STX8: variants seen among roughly 807,000 people sequenced by gnomAD.
The protein encoded by STX8 is syntaxin 8.
STX8 carries 23 observed loss-of-function variants against 37.5 expected under a neutral mutation model. The ratio of observed to expected loss-of-function variants is 0.61; its 90% CI spans 0.44 to 0.87. The LOEUF is 0.87. Among genes scored for constraint, STX8 ranks in the 40% least tolerant of loss-of-function variants. The pLI, the probability that STX8 is intolerant of heterozygous loss-of-function variation, is 0.00. For missense variants in STX8, 313 were observed against 284.7 expected, an observed-to-expected ratio of 1.10 and a Z score of -0.71; for synonymous variants, 115 against 99.1, an observed-to-expected ratio of 1.16 and a Z score of -0.95.
chr17:9,540,816 T>C (rs141636034), intron 4 of STX8: 1 of 152,332 alleles, frequency 6.6e-6, no homozygotes, highest in Non-Finnish European at 1.5e-5. Context: ...ATCTCTATGT[T>C]GCCCTTGGTT....
chr17:9,447,039 T>C (rs1163755199), intron 6 of STX8, among the ~76,000 whole-genome samples: 2 of 152,222 alleles, frequency 1.3e-5, no homozygotes, highest in Non-Finnish European at 2.9e-5. Flanking sequence ...CCCTACTGCA[T>C]AGAATACGAT....
At position 9,324,992 on chromosome 17, in the gene STX8, C is replaced by G. The variant is rs1909708429; in HGVS notation, c.643+53560G>C. 2.0e-5 allele frequency among the ~76,000 whole-genome samples: 3 copies of G among 152,232 alleles called. No individual in the cohort carries two copies. The South Asian group carries it at 6.2e-4, about 32-fold the overall frequency. On this transcript the variant is annotated intron_variant, in intron 7 of 7. Transcript: ENST00000306357. ...CTAGTGATATGTGGTATAGTACTCT[C>G]TTGTGATGCCAGGTGGCAGCAGCAA...
At chr17:9,330,494 C>G (rs1329488138) in intron 7 of STX8, among the ~76,000 whole-genome samples, 1 of 152,146 alleles carries the variant, frequency 6.6e-6, no homozygotes, top group African/African-American at 2.4e-5. Context: ...TCCATCCTTG[C>G]GATGTATGAA....
intron 4 of STX8, among the ~76,000 whole-genome samples, chr17:9,518,854 G>A (rs999952855): frequency 2.0e-5 from 3 of 148,102 alleles, no homozygotes; most frequent in Non-Finnish European, 3.0e-5. Context: ...GGGCGGCAGA[G>A]CGAGACTCCG....
At chr17:9,463,060 A>G (rs1905462604) in intron 6 of STX8, among the ~76,000 whole-genome samples, 1 of 152,190 alleles carries the variant, frequency 6.6e-6, no homozygotes, top group Admixed American at 6.5e-5. Context: ...TTCTAAGAAG[A>G]GGGGAGGGGA....
rs562632994 is a variant in STX8, at chr17:9,295,473, G to A, written c.644-44828C>T. Among the ~76,000 whole-genome samples, 17 of 152,256 alleles carry A rather than the reference G, an allele frequency of 1.1e-4. No homozygotes were observed. In the South Asian group the frequency reaches 2.7e-3, roughly 24 times the overall value. On this transcript the variant is annotated intron_variant, in intron 7 of 7. Transcript: ENST00000306357. ...GAAAATGTAGGCTGGGACCAGGCAC[G>A]GTGGCTCACACCAGTAATCCCAGCA...
chr17:9,378,072 T>G (rs1441277078), intron 7 of STX8: 1 of 155,936 alleles, frequency 6.4e-6, no homozygotes, highest in African/African-American at 2.4e-5. Flanking sequence ...GATCAGTATT[T>G]TAAGCAAGCC....
chr17:9,545,912 C>T (rs1003016836), intron 3 of STX8, among the ~76,000 whole-genome samples: 2 of 152,152 alleles, frequency 1.3e-5, no homozygotes, highest in African/African-American at 4.8e-5. Context: ...ACTTCTCCTG[C>T]CAATGGTGCA....
At chr17:9,436,345 G>A (rs1233177626) in intron 6 of STX8, among the ~76,000 whole-genome samples, 42 of 112,744 alleles carry the variant, frequency 3.7e-4, no homozygotes, top group African/African-American at 5.1e-4. Flanking sequence ...AGCCTCCATC[G>A]CAAAAAAAAA....
intron 7 of STX8, among the ~76,000 whole-genome samples, chr17:9,271,919 G>A (rs35268767): frequency 2.0e-5 from 3 of 151,960 alleles, no homozygotes; most frequent in African/African-American, 4.8e-5. Flanking sequence ...TTTCTCTGGC[G>A]ACTATAAGTA....
chr17:9,502,626 T>C (rs540454368), intron 5 of STX8, among the ~76,000 whole-genome samples: 2 of 152,296 alleles, frequency 1.3e-5, no homozygotes, highest in South Asian at 4.1e-4. Flanking sequence ...CTCATTCCAC[T>C]TGTAGGTATT....
intron 6 of STX8, among the ~76,000 whole-genome samples, chr17:9,403,678 G>A (rs73259825): frequency 0.016 from 2,482 of 151,304 alleles, 68 homozygotes; most frequent in African/African-American, 0.056. Flanking sequence ...ATGGAGTCTC[G>A]CTCTGTCGCC....
intron 7 of STX8, among the ~76,000 whole-genome samples, chr17:9,327,268 G>GAGA (rs1363349512): frequency 1.2e-4 from 18 of 150,078 alleles, no homozygotes; most frequent in African/African-American, 3.7e-4. Context: ...GGAGGAGGAG[G>GAGA]AAGGAGGAAG....
chr17:9,375,541 A>G (rs1911551674), intron 7 of STX8, among the ~76,000 whole-genome samples: 1 of 152,190 alleles, frequency 6.6e-6, no homozygotes, highest in African/African-American at 2.4e-5. Context: ...GAGAACAACA[A>G]AAACAACATA....
At chr17:9,320,856 A>T (rs1275067403) in intron 7 of STX8, among the ~76,000 whole-genome samples, 1 of 150,044 alleles carries the variant, frequency 6.7e-6, no homozygotes, top group Non-Finnish European at 1.5e-5. Context: ...AGCCAAGATC[A>T]TGCCACTGCA....
At chr17:9,309,368 C>A (rs1909113231) in intron 7 of STX8, among the ~76,000 whole-genome samples, 1 of 152,176 alleles carries the variant, frequency 6.6e-6, no homozygotes, top group African/African-American at 2.4e-5. Context: ...CTACAATTAA[C>A]TCAGGGCTTC....
At chr17:9,417,244 T>C (rs1405674059) in intron 6 of STX8, among the ~76,000 whole-genome samples, 9 of 152,172 alleles carry the variant, frequency 5.9e-5, no homozygotes, top group Admixed American at 3.9e-4. Context: ...GTTTTGTCTG[T>C]GTAGTGGGCA....
intron 7 of STX8, among the ~76,000 whole-genome samples, chr17:9,377,496 G>T (rs1364039599): frequency 2.0e-5 from 3 of 151,862 alleles, no homozygotes; most frequent in Admixed American, 6.6e-5. Context: ...TTTGAGACAG[G>T]GTCTCACTCT....
In STX8 at chr17:9,482,127, G is replaced by A. The variant is rs570279334; in HGVS notation, c.541+9702C>T. 1.1e-4 allele frequency among the ~76,000 whole-genome samples: 17 copies of A among 152,170 alleles called. 1 individual carries two copies. The South Asian group carries it at 2.1e-3, about 19-fold the overall frequency. Reference sequence around the variant, plus strand: ...CTCCAGGCCACAGTGTACCATGATCGAGCCTGTGAATAGACACTGCATTCC... The same window carrying A: ...CTCCAGGCCACAGTGTACCATGATCAAGCCTGTGAATAGACACTGCATTCC... On this transcript the variant is annotated intron_variant, in intron 6 of 7. Coordinates refer to ENST00000306357, the MANE Select transcript of STX8 (RefSeq NM_004853.3).
Sources: allele counts gnomAD v4.1 joint callset (sites outside exome capture counted in the v4.1 genomes callset), GRCh38; gene constraint gnomAD v4.1.1; transcripts MANE v1.5; gene names NCBI Gene and HGNC (gene_info 2026-07-23, HGNC 2026-07-21).